PALM2AKAP2: variants seen among roughly 807,000 people sequenced by gnomAD.
The protein encoded by PALM2AKAP2 is PALM2-AKAP2 fusion protein.
In PALM2AKAP2, 37 loss-of-function variants were observed where a neutral mutation model predicts 71.5. The ratio of observed to expected loss-of-function variants is 0.52; its 90% CI spans 0.40 to 0.68. The LOEUF (loss-of-function observed/expected upper bound fraction) is 0.68. Ranked by LOEUF, PALM2AKAP2 falls within the 30% of genes least tolerant of loss-of-function variation. The pLI, the probability that PALM2AKAP2 is intolerant of heterozygous loss-of-function variation, is 0.00. For synonymous variants in PALM2AKAP2, 468 were observed against 478.8 expected (o/e 0.98, Z 0.29); for missense variants, 1,224 against 1,191.8 (o/e 1.03, Z -0.40).
intron 1 of PALM2AKAP2, among the ~76,000 whole-genome samples, chr9:109,727,001 C>T (rs1828486985): frequency 6.6e-6 from 1 of 152,178 alleles, no homozygotes; most frequent in South Asian, 2.1e-4. Context: ...GCCCACCTCA[C>T]TGAACCATCA....
intron 7 of PALM2AKAP2, among the ~76,000 whole-genome samples, chr9:110,018,177 C>CT (rs1376955514): frequency 6.6e-6 from 1 of 152,142 alleles, no homozygotes; most frequent in Non-Finnish European, 1.5e-5. Context: ...ATCTCCGTTT[C>CT]TTTTTCTTTT....
At chr9:110,050,487 A>T (rs1302273013) in intron 1 of PALM2AKAP2, among the ~76,000 whole-genome samples, 2 of 152,224 alleles carry the variant, frequency 1.3e-5, no homozygotes, top group Non-Finnish European at 2.9e-5. Flanking sequence ...AGAAATGAGG[A>T]GTATCCAGCA....
At chr9:109,951,070 T>C (rs1040421763) in intron 6 of PALM2AKAP2, among the ~76,000 whole-genome samples, 15 of 152,344 alleles carry the variant, frequency 9.8e-5, no homozygotes, top group African/African-American at 3.4e-4. Context: ...GAACATTCTT[T>C]CCTGCTCTCA....
At chr9:109,962,539 A>G (rs1831869696) in intron 6 of PALM2AKAP2, among the ~76,000 whole-genome samples, 1 of 152,234 alleles carries the variant, frequency 6.6e-6, no homozygotes, top group Non-Finnish European at 1.5e-5. Flanking sequence ...AAAAAAGTTT[A>G]CTGGCCCCCA....
At chr9:109,956,076 C>A (rs905325084) in intron 6 of PALM2AKAP2, among the ~76,000 whole-genome samples, 12 of 151,288 alleles carry the variant, frequency 7.9e-5, no homozygotes, top group African/African-American at 2.9e-4. Context: ...ATGATCTCAG[C>A]CCACTGCAAC....
At chr9:109,667,823 A>C (rs1196406231) in intron 1 of PALM2AKAP2, among the ~76,000 whole-genome samples, 1 of 152,278 alleles carries the variant, frequency 6.6e-6, no homozygotes, top group African/African-American at 2.4e-5. Flanking sequence ...AATAAGGTAA[A>C]TATAACCAGA....
intron 1 of PALM2AKAP2, among the ~76,000 whole-genome samples, chr9:109,858,169 A>G (rs1829218553): frequency 2.0e-5 from 3 of 152,150 alleles, no homozygotes; most frequent in Admixed American, 2.0e-4. Context: ...CAATTGTTTG[A>G]TGCTTACTAG....
At chr9:109,911,599 C>T (rs569397399) in intron 3 of PALM2AKAP2, among the ~76,000 whole-genome samples, 3 of 152,134 alleles carry the variant, frequency 2.0e-5, no homozygotes, top group Non-Finnish European at 4.4e-5. Context: ...TCTTTTTTCT[C>T]ACTGAATATC....
intron 1 of PALM2AKAP2, among the ~76,000 whole-genome samples, chr9:109,707,249 T>G (rs1828158778): frequency 6.6e-6 from 1 of 151,966 alleles, no homozygotes; most frequent in Non-Finnish European, 1.5e-5. Context: ...TTGAATCCAT[T>G]TCCAAGTTTA....
At chr9:110,043,459 T>C (rs1246110184) in intron 7 of PALM2AKAP2, among the ~76,000 whole-genome samples, 1 of 152,188 alleles carries the variant, frequency 6.6e-6, no homozygotes, top group African/African-American at 2.4e-5. Context: ...TCTCTAGAGT[T>C]ATCACCAAAT....
At chr9:109,936,556 T>A (rs1467382963) in intron 6 of PALM2AKAP2, among the ~76,000 whole-genome samples, 1 of 152,216 alleles carries the variant, frequency 6.6e-6, no homozygotes, top group Non-Finnish European at 1.5e-5. Context: ...GTGCATTGCT[T>A]GTCTATCACA....
At chr9:109,862,647 T>C (rs973995350) in intron 1 of PALM2AKAP2, among the ~76,000 whole-genome samples, 1 of 152,200 alleles carries the variant, frequency 6.6e-6, no homozygotes. Flanking sequence ...AAACAAGTCC[T>C]AGTGGCAGGA....
chr9:109,859,225 G>C (rs1829249272), intron 1 of PALM2AKAP2, among the ~76,000 whole-genome samples: 1 of 152,130 alleles, frequency 6.6e-6, no homozygotes. Flanking sequence ...TATTACAAAT[G>C]AAACATGAAG....
intron 1 of PALM2AKAP2, among the ~76,000 whole-genome samples, chr9:109,816,622 T>C (rs1004479538): frequency 2.0e-5 from 3 of 152,128 alleles, no homozygotes; most frequent in Admixed American, 6.5e-5. Context: ...ACTGTGGGAA[T>C]AGGGTTGAAT....
intron 6 of PALM2AKAP2, among the ~76,000 whole-genome samples, chr9:109,966,161 C>T (rs1831944275): frequency 1.3e-5 from 2 of 152,086 alleles, no homozygotes; most frequent in Admixed American, 1.3e-4. Flanking sequence ...ATGAAAAGAT[C>T]AGTGTCGGCA....
At chr9:109,890,975 AT>A (rs1211613070) in intron 3 of PALM2AKAP2, among the ~76,000 whole-genome samples, 1 of 152,236 alleles carries the variant, frequency 6.6e-6, no homozygotes, top group Non-Finnish European at 1.5e-5. Flanking sequence ...AAAAAATTAA[AT>A]AATATCTGAA....
intron 3 of PALM2AKAP2, among the ~76,000 whole-genome samples, chr9:109,881,541 A>G (rs1304521582): frequency 2.0e-5 from 3 of 152,206 alleles, no homozygotes; most frequent in Non-Finnish European, 4.4e-5. Context: ...CCCGTGCTCT[A>G]AAAATTAACT....
chr9:109,858,919 G>A (rs1377263275), intron 1 of PALM2AKAP2, among the ~76,000 whole-genome samples: 1 of 152,134 alleles, frequency 6.6e-6, no homozygotes, highest in Non-Finnish European at 1.5e-5. Context: ...ATTACTTAAA[G>A]GGTCACACCG....
At chr9:109,867,018 G>A in intron 1 of PALM2AKAP2, 1 of 456,622 alleles carries the variant, frequency 2.2e-6, no homozygotes, top group South Asian at 1.5e-5. Flanking sequence ...GCTTATTTAT[G>A]TCTGTGATTT....
Sources: gnomAD v4.1 joint callset for allele counts (sites outside exome capture counted in the v4.1 genomes callset) on GRCh38, gnomAD v4.1.1 for gene constraint, MANE v1.5 for transcripts, NCBI Gene and HGNC (gene_info 2026-07-23, HGNC 2026-07-21) for gene names.